The following SP3 variants were observed in gnomAD, a reference collection of about 807,000 sequenced individuals.
SP3 encodes the protein transcription factor Sp3.
A neutral mutation model predicts 70.3 loss-of-function variants in SP3; 10 were observed. The ratio of observed to expected loss-of-function variants is 0.14; its 90% CI spans 0.09 to 0.24. The LOEUF (loss-of-function observed/expected upper bound fraction) is 0.24. Among genes scored for constraint, SP3 ranks in the 10% least tolerant of loss-of-function variants. SP3 has a pLI of 1.00. For synonymous variants in SP3, 402 were observed against 333.5 expected (o/e 1.21, Z -2.24); for missense variants, 825 against 914.6 (o/e 0.90, Z 1.26).
chr2:173,952,362 C>G (rs1039212577), intron 4 of SP3, among the ~76,000 whole-genome samples: 1 of 152,106 alleles, frequency 6.6e-6, no homozygotes, highest in East Asian at 1.9e-4. Context: ...GTAGGAACTA[C>G]AAACCAAAAC....
At position 173,909,318 on chromosome 2, in the gene SP3, A is replaced by T. The variant is rs1689410887; in HGVS notation, c.*623T>A. ...ATCTTAAACATGGCTTTTCAACAGG[A>T]TTTAAAAGGTGACTATCCCTAGAGT... On this transcript the variant is annotated 3_prime_UTR_variant, in exon 7 of 7. Transcript: ENST00000310015. 1 of 152,452 alleles carries T rather than the reference A, an allele frequency of 6.6e-6. No homozygotes were observed. The highest frequency in any genetic ancestry group is 1.9e-4 in the East Asian group (1 of 5,204). The allele number at this position is 152,452 out of a possible 1,614,324, so 9.4% of individuals were successfully genotyped here.
At chr2:173,917,376 C>CT (rs1279339407) in intron 5 of SP3, among the ~76,000 whole-genome samples, 3 of 152,008 alleles carry the variant, frequency 2.0e-5, no homozygotes, top group African/African-American at 7.2e-5. Context: ...AGGAGAGTCA[C>CT]TTGGGAGGCA....
In SP3 at chr2:173,952,900, A is replaced by G. The variant is rs76687500; in HGVS notation, c.1639+1973T>C. Among the ~76,000 whole-genome samples the G allele has an allele frequency of 9.5e-3, 1,450 of 152,308 alleles. 27 individuals carry two copies. Among genetic ancestry groups the G allele is most frequent in the African/African-American group, 0.033 (1,372 of 41,560 alleles). ...GGTTGTCAGGGTCTGAGGGGAAGTG[A>G]ATGATGAGTGACTGCTAAAGGGTAT... On this transcript the variant is annotated intron_variant, in intron 4 of 6. Transcript: ENST00000310015.
chr2:173,909,923 T>G lies in SP3; in HGVS notation c.*18A>C, dbSNP rs1229722597. 2 of 1,597,382 alleles carry G rather than the reference T, an allele frequency of 1.3e-6. No individual in the cohort carries two copies. The highest frequency in any genetic ancestry group is 1.7e-6 in the Non-Finnish European group (2 of 1,165,708). On this transcript the variant is annotated 3_prime_UTR_variant, in exon 7 of 7. Transcript: ENST00000310015. ...ACTGTATAAAAATAACCACAATGAATAAGTATTTGTGTAATATTTACTCCA... is the reference window on the plus strand; with the variant it reads ...ACTGTATAAAAATAACCACAATGAAGAAGTATTTGTGTAATATTTACTCCA...
rs530787326 is a variant in SP3, at chr2:173,906,368, A to C, written c.*3573T>G. 3.0e-4 allele frequency: 46 copies of C among 152,336 alleles called. No homozygotes were observed. Among genetic ancestry groups the C allele is most frequent in the Admixed American group, 2.9e-3 (45 of 15,302 alleles). 9.4% of individuals were successfully genotyped at this position (152,336 alleles called of 1,614,324 possible). ...CTAAATAAAATTATGAGGTGATTTC[A>C]CAAAAATATCAAATTTGTACCAAAG... is the stretch of plus-strand genomic sequence containing the variant. On this transcript the variant is annotated 3_prime_UTR_variant, in exon 7 of 7. Coordinates refer to ENST00000310015, the MANE Select transcript of SP3 (RefSeq NM_003111.5).
intron 4 of SP3, among the ~76,000 whole-genome samples, chr2:173,924,901 C>A (rs543345900): frequency 6.6e-6 from 1 of 152,138 alleles, no homozygotes; most frequent in African/African-American, 2.4e-5. Context: ...ACTATTTTTT[C>A]TTTGTTTGAG....
At chr2:173,914,398 G>T (rs1050460064) in intron 5 of SP3, 2 of 151,668 alleles carry the variant, frequency 1.3e-5, no homozygotes, top group African/African-American at 4.8e-5. Context: ...TACACCTATC[G>T]TTTTTCAAAT....
At chr2:173,924,906 T>G (rs761050158) in intron 4 of SP3, among the ~76,000 whole-genome samples, 3 of 152,202 alleles carry the variant, frequency 2.0e-5, no homozygotes, top group Non-Finnish European at 2.9e-5. Flanking sequence ...TTTTTCTTTG[T>G]TTGAGACAGA....
chr2:173,916,852 T>C (rs1248667891), intron 5 of SP3: 1 of 152,096 alleles, frequency 6.6e-6, no homozygotes, highest in Admixed American at 6.6e-5. Flanking sequence ...ACAAAAGATG[T>C]TAAATCACCC....
At chr2:173,919,771 T>C (rs1689697376) in intron 4 of SP3, among the ~76,000 whole-genome samples, 1 of 146,976 alleles carries the variant, frequency 6.8e-6, no homozygotes, top group South Asian at 2.2e-4. Flanking sequence ...TGTAGATCAG[T>C]ACAACCACTT....
chr2:173,955,701 T>C lies in SP3; in HGVS notation c.811A>G (p.Ser271Gly). 6.2e-7 allele frequency: 1 copy of C among 1,614,222 alleles called. No individual in the cohort carries two copies. Among genetic ancestry groups the C allele is most frequent in the Non-Finnish European group, 8.5e-7 (1 of 1,180,038 alleles). Residue 271 changes from serine (S) to glycine (G), a missense_variant, in exon 4 of 7, where the codon AGT becomes GGT. Physicochemically the swap from Ser to Gly is moderately conservative, Grantham distance 56 (BLOSUM62 0). Around this residue, in one of 4 missense-constraint regions of SP3, gnomAD observed 678 missense variants for 651.6 expected, o/e 1.04. Coordinates refer to ENST00000310015, the MANE Select transcript of SP3 (RefSeq NM_003111.5). ...AGTCCCAAAGAATCTAGATCGACACTATTGATTGGTACAAACGTAATATTT... is the reference window on the plus strand; with the variant it reads ...AGTCCCAAAGAATCTAGATCGACACCATTGATTGGTACAAACGTAATATTT... ...PGNITFVPINSVDLDSLGLSG... is the reference protein window; with the variant it reads ...PGNITFVPINGVDLDSLGLSG...
chr2:173,902,065 C>G lies in SP3; in HGVS notation c.*7876G>C, dbSNP rs12471608. Among the ~76,000 whole-genome samples the G allele has an allele frequency of 0.033, 4,949 of 152,260 alleles. 132 individuals carry two copies. Among genetic ancestry groups the G allele is most frequent in the Admixed American group, 0.1 (1,556 of 15,298 alleles). The stretch of plus-strand genomic sequence containing the variant: ...CCCCTACAGTGAGAGACTATGAGGA[C>G]TACCACACCTGGGCAGGGCTTGACT... On this transcript the variant is annotated 3_prime_UTR_variant, in exon 7 of 7. Coordinates refer to ENST00000310015, the MANE Select transcript of SP3 (RefSeq NM_003111.5).
intron 1 of SP3, 22 bp from the exon 2 acceptor site, chr2:173,964,575 G>GT (rs1163327378): frequency 1.5e-6 from 1 of 674,702 alleles, no homozygotes; most frequent in Non-Finnish European, 2.8e-6. Flanking sequence ...GCGCGGGGGG[G>GT]TGGGGGTGGG....
intron 6 of SP3, 74 bp from the exon 7 acceptor site, chr2:173,910,331 G>C: frequency 7.7e-7 from 1 of 1,306,264 alleles, no homozygotes; most frequent in African/African-American, 1.5e-5. Flanking sequence ...CCCCAAAACA[G>C]AAAGTAAGTC....
chr2:173,917,231 A>G (rs917229678), intron 5 of SP3, among the ~76,000 whole-genome samples: 12 of 152,190 alleles, frequency 7.9e-5, no homozygotes, highest in Non-Finnish European at 1.6e-4. Context: ...ATTTATCTTA[A>G]AAGCCCCTCT....
rs756765149 is a variant in SP3 at position 173,955,672 on chromosome 2, C to G, written c.840G>C (p.Ser280=). ...CTGCAGTCATTGTCTGAGAACTGCC[C>G]GAGAGTCCCAAAGAATCTAGATCGA... ...NSVDLDSLGL[S]GSSQTMTAGI... Residue 280 remains serine, a synonymous_variant, in exon 4 of 7, where the codon TCG becomes TCC. Transcript: ENST00000310015. The G allele has an allele frequency of 3.7e-6, 6 of 1,613,552 alleles. No homozygotes were observed. Among genetic ancestry groups the G allele is most frequent in the Non-Finnish European group, 5.1e-6 (6 of 1,179,648 alleles).
At chr2:173,961,097 G>C (rs1459240702) in intron 3 of SP3, among the ~76,000 whole-genome samples, 1 of 152,086 alleles carries the variant, frequency 6.6e-6, no homozygotes, top group African/African-American at 2.4e-5. Context: ...TTGCACAAAG[G>C]TCTACTTTTT....
At chr2:173,933,636 CTT>C (rs1256796536) in intron 4 of SP3, among the ~76,000 whole-genome samples, 3 of 32,852 alleles carry the variant, frequency 9.1e-5, no homozygotes, top group Non-Finnish European at 2.2e-4. Flanking sequence ...ATTTATAAAA[CTT>C]TATATATATA....
At chr2:173,931,025 A>T (rs1690050804) in intron 4 of SP3, among the ~76,000 whole-genome samples, 1 of 152,170 alleles carries the variant, frequency 6.6e-6, no homozygotes, top group African/African-American at 2.4e-5. Context: ...CAAGCCACAC[A>T]TTTTTTTGGT....
Sources: gnomAD v4.1 joint callset for allele counts (sites outside exome capture counted in the v4.1 genomes callset) on GRCh38, gnomAD v4.1.1 for gene constraint, gnomAD v4.1.1 regional missense constraint, MANE v1.5 for transcripts, NCBI Gene and HGNC (gene_info 2026-07-23, HGNC 2026-07-21) for gene names.